ZNF536: variants seen among roughly 807,000 people sequenced by gnomAD.
ZNF536 encodes the protein zinc finger protein 536.
In ZNF536, 13 loss-of-function variants were observed where a neutral mutation model predicts 84.5. The ratio of observed to expected loss-of-function variants is 0.15; its 90% CI spans 0.10 to 0.24. The LOEUF (loss-of-function observed/expected upper bound fraction) is 0.24, where lower values mean the gene tolerates loss of function less well. Ranked by LOEUF, ZNF536 falls within the 10% of genes least tolerant of loss-of-function variation. The probability of loss-of-function intolerance (pLI) is 1.00; values close to 1 mark genes in which losing one functional copy is unlikely to be tolerated. For synonymous variants in ZNF536, 811 were observed against 742.5 expected (o/e 1.09, Z -1.50); for missense variants, 1,536 against 1,747.5 (o/e 0.88, Z 2.16).
chr19:30,628,411 C>G (rs1424928128), intron 1 of ZNF536, among the ~76,000 whole-genome samples: 2 of 150,290 alleles, frequency 1.3e-5, no homozygotes, highest in African/African-American at 2.5e-5. Flanking sequence ...CTGCAGAGCT[C>G]CAGCTCATCC....
downstream of ZNF536, among the ~76,000 whole-genome samples, chr19:30,559,667 TG>T (rs753871799): frequency 1.3e-5 from 2 of 151,982 alleles, no homozygotes; most frequent in African/African-American, 2.4e-5. Context: ...AGATGGCATG[TG>T]GGGGGCTGGG....
At chr19:30,430,152 G>C (rs2051389328) in intron 1 of ZNF536, among the ~76,000 whole-genome samples, 1 of 152,088 alleles carries the variant, frequency 6.6e-6, no homozygotes, top group South Asian at 2.1e-4. Context: ...ACCTGGCTGT[G>C]CCTCCATGAG....
At chr19:30,657,587 C>CTT (rs2049962566) in intron 1 of ZNF536, among the ~76,000 whole-genome samples, 1 of 152,224 alleles carries the variant, frequency 6.6e-6, no homozygotes, top group African/African-American at 2.4e-5. Context: ...TTCTCTTCCC[C>CTT]CTGCACTCTC....
intron 2 of ZNF536, among the ~76,000 whole-genome samples, chr19:30,304,027 T>C (rs1375741608): frequency 6.6e-6 from 1 of 152,108 alleles, no homozygotes; most frequent in Non-Finnish European, 1.5e-5. Flanking sequence ...AGCGGTCTCC[T>C]CTCTCCCTGG....
intron 2 of ZNF536, among the ~76,000 whole-genome samples, chr19:30,475,242 G>A (rs1364488756): frequency 2.0e-5 from 3 of 151,962 alleles, no homozygotes; most frequent in Admixed American, 6.6e-5. Flanking sequence ...CATCATGCCC[G>A]GATAATTTTT....
At chr19:30,428,019 T>C (rs923221492) in intron 1 of ZNF536, among the ~76,000 whole-genome samples, 1 of 152,242 alleles carries the variant, frequency 6.6e-6, no homozygotes, top group African/African-American at 2.4e-5. Flanking sequence ...TTTTGTGAAT[T>C]CCCTGCTCAC....
chr19:30,266,060 AT>A (rs1218842872), intron 1 of ZNF536, among the ~76,000 whole-genome samples: 4 of 150,902 alleles, frequency 2.7e-5, no homozygotes. Flanking sequence ...CTGGCTAAAT[AT>A]TTTTAGAGAC....
At chr19:30,523,965 T>C (rs1465280812) in intron 2 of ZNF536, among the ~76,000 whole-genome samples, 1 of 152,236 alleles carries the variant, frequency 6.6e-6, no homozygotes, top group Non-Finnish European at 1.5e-5. Flanking sequence ...AAAATCCGAT[T>C]GTGAAGTGAA....
intron 1 of ZNF536, among the ~76,000 whole-genome samples, chr19:30,412,568 T>C (rs1214429528): frequency 6.6e-6 from 1 of 152,090 alleles, no homozygotes; most frequent in African/African-American, 2.4e-5. Context: ...TAATATTTTA[T>C]TTGATATTTA....
chr19:30,513,082 C>T (rs2055484484), intron 2 of ZNF536, among the ~76,000 whole-genome samples: 1 of 151,896 alleles, frequency 6.6e-6, no homozygotes, highest in South Asian at 2.1e-4. Context: ...ACACTTAGGT[C>T]ACCAGTTCAC....
rs2051417661 is a variant in ZNF536, at chr19:30,691,743, A to C, written c.170-19014A>C. 2.0e-5 allele frequency among the ~76,000 whole-genome samples: 3 copies of C among 152,228 alleles called. No homozygotes were observed. In the South Asian group the frequency reaches 6.2e-4, roughly 32 times the overall value. ...AAGGCATCATCAGAGTTTTAAAAGC[A>C]AAGAAAAAAAAATGGGGAGGGGGGA... On this transcript the variant is annotated intron_variant, in intron 1 of 1. Coordinates refer to the ZNF536 transcript ENST00000592773.
chr19:30,696,323 G>A (rs1024310630), intron 1 of ZNF536, among the ~76,000 whole-genome samples: 4 of 152,102 alleles, frequency 2.6e-5, no homozygotes, highest in Non-Finnish European at 4.4e-5. Flanking sequence ...CCAGGCCAGC[G>A]CCTTCTCTTT....
chr19:30,305,553 T>C (rs1674967336), intron 2 of ZNF536, among the ~76,000 whole-genome samples: 1 of 152,194 alleles, frequency 6.6e-6, no homozygotes, highest in Non-Finnish European at 1.5e-5. Flanking sequence ...GCCCTGAGCC[T>C]CAGCCCCCTT....
In ZNF536 at chr19:30,445,633, T is replaced by G. The variant is rs2148232430; in HGVS notation, c.2071T>G (p.Ser691Ala). 1 of 1,612,658 alleles carries G rather than the reference T, an allele frequency of 6.2e-7. No homozygotes were observed. Among genetic ancestry groups the G allele is most frequent in the Non-Finnish European group, 8.5e-7 (1 of 1,179,574 alleles). Residue 691 changes from serine to alanine, a missense_variant, in exon 2 of 5, where the codon TCC becomes GCC. Coordinates refer to ENST00000355537, the MANE Select transcript of ZNF536 (RefSeq NM_014717.3). The surrounding 1 kb of genome is among the most constrained non-coding windows in gnomAD (Gnocchi z 4.5). Reference sequence around the variant, plus strand: ...GGTGAGCCGCTCCACCACGCCGGGCTCCTCTAACGTCACCGAGGAGAGCGG... The same window carrying G: ...GGTGAGCCGCTCCACCACGCCGGGCGCCTCTAACGTCACCGAGGAGAGCGG... ...QSVSRSTTPG[S>A]SNVTEESGVG...
intron 1 of ZNF536, among the ~76,000 whole-genome samples, chr19:30,588,171 A>C (rs139663765): frequency 4.5e-4 from 68 of 152,302 alleles, no homozygotes; most frequent in African/African-American, 1.6e-3. Context: ...GCTGATCTTT[A>C]CTGGCTCATA....
intron 1 of ZNF536, among the ~76,000 whole-genome samples, chr19:30,396,910 G>A (rs1439047023): frequency 6.6e-6 from 1 of 152,084 alleles, no homozygotes; most frequent in African/African-American, 2.4e-5. Context: ...CAGCCAAGCA[G>A]GCTCTCTTTT....
chr19:30,480,459 A>G lies in ZNF536; in HGVS notation c.2170+34727A>G, dbSNP rs190083838. ...AAACTAATACAGGAACAGAAAACCA[A>G]ACACCGGATGTTCTCACTCATAAGT... On this transcript the variant is annotated intron_variant, in intron 2 of 4. Coordinates refer to ENST00000355537, the MANE Select transcript of ZNF536 (RefSeq NM_014717.3). Among the ~76,000 whole-genome samples the G allele has an allele frequency of 9.3e-4, 142 of 152,274 alleles. 1 individual carries two copies. The highest frequency in any genetic ancestry group is 3.3e-3 in the African/African-American group (138 of 41,564).
At chr19:30,396,395 A>G (rs1366801331) in intron 1 of ZNF536, among the ~76,000 whole-genome samples, 3 of 152,134 alleles carry the variant, frequency 2.0e-5, no homozygotes, top group Non-Finnish European at 2.9e-5. Context: ...CTTTCTGGGA[A>G]TTTGGGGTTT....
intron 1 of ZNF536, among the ~76,000 whole-genome samples, chr19:30,396,343 A>G (rs1216941891): frequency 6.6e-6 from 1 of 152,184 alleles, no homozygotes; most frequent in African/African-American, 2.4e-5. Context: ...CCAATTGAAA[A>G]GGAAGTGTCC....
Sources: gnomAD v4.1 joint callset for allele counts (sites outside exome capture counted in the v4.1 genomes callset) on GRCh38, gnomAD v4.1.1 for gene constraint, Gnocchi (gnomAD v3.1) non-coding constraint, MANE v1.5 for transcripts, NCBI Gene and HGNC (gene_info 2026-07-23, HGNC 2026-07-21) for gene names.